The following RAD18 variants were observed in gnomAD, a reference collection of about 807,000 sequenced individuals.
RAD18 encodes the protein RAD18 E3 ubiquitin protein ligase.
Under a neutral mutation model 60.4 loss-of-function variants are expected in RAD18, and 47 were observed. That is an observed-to-expected ratio of 0.78 (90% CI 0.62 to 0.99). The LOEUF (loss-of-function observed/expected upper bound fraction) is 0.99. RAD18 is among the 50% of genes least tolerant of loss of function. RAD18 has a pLI of 0.00. For synonymous variants in RAD18, 225 were observed against 195.5 expected (o/e 1.15, Z -1.26); for missense variants, 640 against 593.3 (o/e 1.08, Z -0.82).
intron 2 of RAD18, among the ~76,000 whole-genome samples, chr3:8,958,012 C>T (rs1941039196): frequency 6.6e-6 from 1 of 152,186 alleles, no homozygotes; most frequent in South Asian, 2.1e-4. Flanking sequence ...TGGAAGAAAA[C>T]TAACATTGTT....
chr3:8,937,004 A>G (rs1940665328), intron 6 of RAD18, among the ~76,000 whole-genome samples: 1 of 152,210 alleles, frequency 6.6e-6, no homozygotes. Context: ...CAAATAAATT[A>G]TGTCTTTTAT....
chr3:8,900,634 C>T (rs375605179), intron 10 of RAD18, among the ~76,000 whole-genome samples: 10 of 152,264 alleles, frequency 6.6e-5, no homozygotes, highest in African/African-American at 1.9e-4. Context: ...TCCCCAGAGA[C>T]ACACAACAAA....
intron 7 of RAD18, among the ~76,000 whole-genome samples, chr3:8,917,211 AAT>A (rs1940218882): frequency 6.6e-6 from 1 of 152,194 alleles, no homozygotes; most frequent in African/African-American, 2.4e-5. Flanking sequence ...TTCTAATAAA[AAT>A]ATCTTTCAAA....
intron 7 of RAD18, among the ~76,000 whole-genome samples, chr3:8,927,591 C>A (rs937170647): frequency 5.3e-5 from 8 of 152,194 alleles, no homozygotes; most frequent in Admixed American, 1.3e-4. Flanking sequence ...AACCATGCTG[C>A]TATTAAGACA....
In RAD18 at chr3:8,885,282, T is replaced by C. The variant is rs564357286; in HGVS notation, c.1386-3823A>G. On this transcript the variant is annotated intron_variant, in intron 12 of 12. Transcript: ENST00000264926. ...TCATTTTTTTAAAGATGGGATTCAC[T>C]GTTTTCTTGCTGCAAGTACTTTCAA... 9.8e-5 allele frequency among the ~76,000 whole-genome samples: 15 copies of C among 152,314 alleles called. No homozygotes were observed. In the South Asian group the frequency reaches 2.5e-3, roughly 25 times the overall value.
chr3:8,902,539 T>C lies in RAD18; in HGVS notation c.1028-19A>G. The C allele has an allele frequency of 6.3e-7, 1 of 1,591,192 alleles. No individual in the cohort carries two copies. The highest frequency in any genetic ancestry group is 1.1e-5 in the South Asian group (1 of 87,822). On this transcript the variant is annotated intron_variant, in intron 9 of 12. Coordinates refer to ENST00000264926, the MANE Select transcript of RAD18 (RefSeq NM_020165.4). Reference sequence around the variant, plus strand: ...TTTTTACCTGAAATTCAAAAGATCTTCTCAGTAAAGCTAGGACTATGAAAG... The same window carrying C: ...TTTTTACCTGAAATTCAAAAGATCTCCTCAGTAAAGCTAGGACTATGAAAG...
At chr3:8,952,645 T>A (rs1375483550) in intron 2 of RAD18, among the ~76,000 whole-genome samples, 1 of 152,220 alleles carries the variant, frequency 6.6e-6, no homozygotes, top group African/African-American at 2.4e-5. Flanking sequence ...TATTGGCAAT[T>A]TCATGTGGTT....
Position 8,899,024 on chromosome 3 carries a change from C to G in RAD18, c.1192G>C (p.Val398Leu), listed in dbSNP as rs1939854868. 1 of 1,604,156 alleles carries G rather than the reference C, an allele frequency of 6.2e-7. No individual in the cohort carries two copies. Among genetic ancestry groups the G allele is most frequent in the South Asian group, 1.1e-5 (1 of 88,920 alleles). Reference protein sequence around the residue: ...CMGQEDNMTSVTNHFSQSKLD... With the variant: ...CMGQEDNMTSLTNHFSQSKLD... ...TTTGATTGAGAAAAGTGGTTTGTTA[C>G]TGAGGTCATATTATCTTCCTGTCCT... The change falls in exon 11 of 13, where the codon GTA (valine) becomes CTA (leucine). Residue 398 changes from valine (V) to leucine (L), a missense_variant. Val to Leu is a conservative substitution (Grantham distance 32, BLOSUM62 1). Coordinates refer to ENST00000264926, the MANE Select transcript of RAD18 (RefSeq NM_020165.4).
chr3:8,920,292 A>G (rs1559777133), intron 7 of RAD18, among the ~76,000 whole-genome samples: 1 of 151,598 alleles, frequency 6.6e-6, no homozygotes, highest in Admixed American at 6.6e-5. Context: ...AAAAAAAAAA[A>G]AAAAAAGAAA....
At chr3:8,939,028 G>A (rs1004987939) in intron 6 of RAD18, among the ~76,000 whole-genome samples, 1 of 152,050 alleles carries the variant, frequency 6.6e-6, no homozygotes, top group Non-Finnish European at 1.5e-5. Context: ...AATACCTGGA[G>A]GATGGGGGGG....
intron 7 of RAD18, among the ~76,000 whole-genome samples, chr3:8,925,231 C>G (rs528949319): frequency 8.7e-4 from 132 of 152,182 alleles, no homozygotes; most frequent in African/African-American, 3.1e-3. Flanking sequence ...AAGGGGATAT[C>G]ACCACCGATC....
chr3:8,902,331 G>A, intron 10 of RAD18, 49 bp downstream of exon 10: 1 of 1,411,136 alleles, frequency 7.1e-7, no homozygotes, highest in Non-Finnish European at 9.4e-7. Flanking sequence ...CATATTAAAA[G>A]TAAATAATGA....
chr3:8,902,734 C>CA (rs1028502545), intron 9 of RAD18, among the ~76,000 whole-genome samples: 13 of 151,556 alleles, frequency 8.6e-5, no homozygotes, highest in African/African-American at 2.2e-4. Context: ...ACTAAAAATA[C>CA]AAAAAAAATT....
At chr3:8,921,922 A>G (rs1012923913) in intron 7 of RAD18, among the ~76,000 whole-genome samples, 15 of 152,240 alleles carry the variant, frequency 9.9e-5, no homozygotes, top group African/African-American at 3.6e-4. Context: ...AGAAAAATCT[A>G]TGACAAAAAT....
intron 9 of RAD18, among the ~76,000 whole-genome samples, chr3:8,903,060 T>C (rs139779243): frequency 7.2e-4 from 109 of 151,432 alleles, no homozygotes; most frequent in African/African-American, 2.4e-3. Flanking sequence ...AACAGAGGTG[T>C]ACAAGCTTGC....
chr3:8,922,079 G>A (rs148985516), intron 7 of RAD18, among the ~76,000 whole-genome samples: 1,937 of 152,262 alleles, frequency 0.013, 49 homozygotes, highest in African/African-American at 0.044. Context: ...GGGGATTTTC[G>A]GACAGTGGGT....
chr3:8,902,322 A>G, intron 10 of RAD18, 58 bp downstream of exon 10: 15 of 1,371,756 alleles, frequency 1.1e-5, no homozygotes, highest in Non-Finnish European at 1.4e-5. Context: ...TAATTTTTTC[A>G]TATTAAAAGT....
chr3:8,937,224 G>C (rs1940668457), intron 6 of RAD18, among the ~76,000 whole-genome samples: 1 of 152,314 alleles, frequency 6.6e-6, no homozygotes, highest in East Asian at 1.9e-4. Context: ...CACAGGGAGA[G>C]ATGATTCATT....
intron 7 of RAD18, among the ~76,000 whole-genome samples, chr3:8,925,115 T>A (rs1209078745): frequency 6.6e-6 from 1 of 151,948 alleles, no homozygotes; most frequent in African/African-American, 2.4e-5. Context: ...AATCAATGAA[T>A]CCAGGAGCTG....
Sources: allele counts gnomAD v4.1 joint callset (sites outside exome capture counted in the v4.1 genomes callset), GRCh38; gene constraint gnomAD v4.1.1; transcripts MANE v1.5; gene names NCBI Gene and HGNC (gene_info 2026-07-23, HGNC 2026-07-21).